The following TCF12 variants were observed in gnomAD, a reference collection of about 807,000 sequenced individuals.
TCF12 encodes transcription factor 12.
A neutral mutation model predicts 86.0 loss-of-function variants in TCF12; 45 were observed. That is an observed-to-expected ratio of 0.52 (90% CI 0.41 to 0.67). The LOEUF (loss-of-function observed/expected upper bound fraction) is 0.67. TCF12 is among the 30% of genes least tolerant of loss of function. The probability of loss-of-function intolerance (pLI) is 0.00; values close to 1 mark genes in which losing one functional copy is unlikely to be tolerated. For synonymous variants in TCF12, 330 were observed against 299.6 expected (o/e 1.10, Z -1.05); for missense variants, 881 against 859.9 (o/e 1.02, Z -0.31).
chr15:57,155,262 C>T (rs2054035160), intron 5 of TCF12, among the ~76,000 whole-genome samples: 1 of 152,098 alleles, frequency 6.6e-6, no homozygotes, highest in Non-Finnish European at 1.5e-5. Context: ...TCTATTCTGA[C>T]ACACTGTGAC....
At chr15:56,957,149 T>C (rs1242092896) in intron 3 of TCF12, among the ~76,000 whole-genome samples, 5 of 152,252 alleles carry the variant, frequency 3.3e-5, no homozygotes, top group Non-Finnish European at 7.3e-5. Context: ...AGATTCTGGC[T>C]CCTTGATCTT....
intron 8 of TCF12, among the ~76,000 whole-genome samples, chr15:57,215,698 T>G (rs912595174): frequency 6.6e-6 from 1 of 152,176 alleles, no homozygotes. Context: ...TCAAGATACA[T>G]AATTCACTTC....
Position 57,155,220 on chromosome 15 carries a change from C to T in TCF12, c.326-11182C>T, listed in dbSNP as rs2054032964. ...CCTTCCTTCATTTTTTCCTTCCATCCTTCATTCCTCATTCCTCCATTCAGC... is the reference window on the plus strand; with the variant it reads ...CCTTCCTTCATTTTTTCCTTCCATCTTTCATTCCTCATTCCTCCATTCAGC... On this transcript the variant is annotated intron_variant, in intron 5 of 20. Transcript: ENST00000333725. 2.6e-5 allele frequency among the ~76,000 whole-genome samples: 4 copies of T among 151,942 alleles called. No homozygotes were observed. In the South Asian group the frequency reaches 8.3e-4, roughly 31 times the overall value.
chr15:57,000,798 T>G (rs911813924), intron 3 of TCF12, among the ~76,000 whole-genome samples: 47 of 152,226 alleles, frequency 3.1e-4, no homozygotes, highest in African/African-American at 1.1e-3. Flanking sequence ...TTTTTGCCAC[T>G]GAGGTATGAT....
intron 8 of TCF12, chr15:57,219,455 T>G: frequency 6.4e-7 from 1 of 1,559,510 alleles, no homozygotes; most frequent in Non-Finnish European, 8.8e-7. Context: ...CCTTTGCCTG[T>G]GTGGATATAT....
chr15:57,163,258 T>G (rs181694839), intron 5 of TCF12, among the ~76,000 whole-genome samples: 200 of 152,354 alleles, frequency 1.3e-3, no homozygotes, highest in Middle Eastern at 3.4e-3. Context: ...TTTATTGATA[T>G]GATACATAAT....
At chr15:57,124,013 T>C (rs1054499873) in intron 5 of TCF12, among the ~76,000 whole-genome samples, 2 of 144,470 alleles carry the variant, frequency 1.4e-5, no homozygotes, top group Non-Finnish European at 3.0e-5. Context: ...GGACACAGTC[T>C]CACATTGCCC....
chr15:56,944,436 C>T (rs2060908815), intron 3 of TCF12, among the ~76,000 whole-genome samples: 1 of 152,090 alleles, frequency 6.6e-6, no homozygotes, highest in African/African-American at 2.4e-5. Flanking sequence ...CTTGTAATTG[C>T]TTTAAACGTT....
chr15:57,002,747 G>C (rs1448335477), intron 3 of TCF12, among the ~76,000 whole-genome samples: 1 of 152,136 alleles, frequency 6.6e-6, no homozygotes, highest in Admixed American at 6.5e-5. Context: ...TCTCTATAAG[G>C]TTTCACGTTT....
intron 8 of TCF12, chr15:57,219,623 A>C: frequency 6.2e-7 from 1 of 1,600,184 alleles, no homozygotes; most frequent in Non-Finnish European, 8.6e-7. Context: ...CTTCTAACTC[A>C]CTTGTTTAAA....
intron 7 of TCF12, 132 bp downstream of exon 7, chr15:57,192,425 G>C: frequency 8.0e-7 from 1 of 1,257,802 alleles, no homozygotes; most frequent in Non-Finnish European, 1.1e-6. Flanking sequence ...GTCTCACTCT[G>C]TTACCCATGC....
Position 56,977,939 on chromosome 15 carries a change from G to T in TCF12, c.148+56841G>T, listed in dbSNP as rs187860226. The stretch of plus-strand genomic sequence containing the variant: ...CAGACAGAATTTGCATTTCTAACAG[G>T]TTCATATGATCTGATGCTACTGGTT... On this transcript the variant is annotated intron_variant, in intron 3 of 20. Transcript: ENST00000333725. 8.5e-5 allele frequency among the ~76,000 whole-genome samples: 13 copies of T among 152,150 alleles called. No homozygotes were observed. In the East Asian group the frequency reaches 2.5e-3, roughly 29 times the overall value.
intron 3 of TCF12, among the ~76,000 whole-genome samples, chr15:57,039,989 C>G (rs550456554): frequency 2.0e-5 from 3 of 152,242 alleles, no homozygotes; most frequent in African/African-American, 7.2e-5. Context: ...TTATTTCAGG[C>G]CTCTCTTGAT....
chr15:57,140,237 A>G (rs1288969479), intron 5 of TCF12, among the ~76,000 whole-genome samples: 2 of 152,238 alleles, frequency 1.3e-5, no homozygotes, highest in South Asian at 2.1e-4. Flanking sequence ...AAGAAAGGAA[A>G]TTCTGACACA....
intron 5 of TCF12, among the ~76,000 whole-genome samples, chr15:57,115,618 C>T (rs115169475): frequency 0.012 from 1,758 of 152,212 alleles, 32 homozygotes; most frequent in African/African-American, 0.04. Context: ...TTTTTTTTCA[C>T]TAATGCCTTG....
intron 3 of TCF12, among the ~76,000 whole-genome samples, chr15:56,974,222 T>TTA (rs2062485461): frequency 6.6e-6 from 1 of 152,080 alleles, no homozygotes; most frequent in Non-Finnish European, 1.5e-5. Context: ...CACACTGAAA[T>TTA]ATATAGAGTA....
At chr15:57,001,174 G>T (rs143285915) in intron 3 of TCF12, among the ~76,000 whole-genome samples, 1,652 of 151,928 alleles carry the variant, frequency 0.011, 23 homozygotes, top group African/African-American at 0.038. Context: ...GTGCCACCAT[G>T]CCTGGCTAAT....
At chr15:57,180,973 C>G (rs1434470533) in intron 6 of TCF12, among the ~76,000 whole-genome samples, 1 of 151,758 alleles carries the variant, frequency 6.6e-6, no homozygotes, top group African/African-American at 2.4e-5. Flanking sequence ...CGCCACCACG[C>G]CCGCCTAATT....
intron 5 of TCF12, among the ~76,000 whole-genome samples, chr15:57,117,135 A>C (rs1219923279): frequency 6.6e-6 from 1 of 151,378 alleles, no homozygotes; most frequent in Non-Finnish European, 1.5e-5. Context: ...ATTTTGAGAC[A>C]GGGTTTTGCT....
Sources: gnomAD v4.1 joint callset for allele counts (sites outside exome capture counted in the v4.1 genomes callset) on GRCh38, gnomAD v4.1.1 for gene constraint, MANE v1.5 for transcripts, NCBI Gene and HGNC (gene_info 2026-07-23, HGNC 2026-07-21) for gene names.